Variants in MEGF6 observed in about 807,000 individuals in gnomAD.
The protein encoded by MEGF6 is multiple EGF like domains 6, also known as multiple epidermal growth factor-like domains protein 6.
A neutral mutation model predicts 207.1 loss-of-function variants in MEGF6; 184 were observed. The observed-to-expected ratio is 0.89, with a 90% CI of 0.79 to 1.00. The LOEUF is 1.00. Ranked by LOEUF, MEGF6 falls within the 50% of genes least tolerant of loss-of-function variation. MEGF6 has a pLI of 0.00. For synonymous variants in MEGF6, 1,038 were observed against 910.0 expected (o/e 1.14, Z -2.53); for missense variants, 2,282 against 2,202.9 (o/e 1.04, Z -0.72).
chr1:3,569,471 C>T (rs1643438017), intron 4 of MEGF6, among the ~76,000 whole-genome samples: 1 of 152,222 alleles, frequency 6.6e-6, no homozygotes, highest in Non-Finnish European at 1.5e-5. Flanking sequence ...CCAGTGCTGC[C>T]CTGAAGTCCA....
At chr1:3,505,015 C>A (rs1641047583) in intron 17 of MEGF6, among the ~76,000 whole-genome samples, 193 bp downstream of exon 17, 1 of 152,128 alleles carries the variant, frequency 6.6e-6, no homozygotes, top group South Asian at 2.1e-4. Flanking sequence ...AGCAGCCGCA[C>A]CACTGCCATG....
chr1:3,508,586 C>G lies in MEGF6; in HGVS notation c.1632G>C (p.Glu544Asp), dbSNP rs933409738. 6.2e-7 allele frequency: 1 copy of G among 1,613,344 alleles called. No homozygotes were observed. Among genetic ancestry groups the G allele is most frequent in the African/African-American group, 1.3e-5 (1 of 74,938 alleles). The change falls in exon 13 of 37, where the codon GAG (glutamate) becomes GAC (aspartate). Residue 544 changes from glutamate (E) to aspartate (D), a missense_variant. By Grantham distance (45) the Glu-to-Asp change is conservative. Coordinates refer to ENST00000356575, the MANE Select transcript of MEGF6 (RefSeq NM_001409.4). ...LLGLDGCDCPEGWTGLICNET... is the reference protein window; with the variant it reads ...LLGLDGCDCPDGWTGLICNET... The stretch of plus-strand genomic sequence containing the variant: ...CATTGCAGATGAGCCCAGTCCAGCC[C>G]TCGGGGCAATCACAGCCATCCAGGC...
At chr1:3,567,664 C>G (rs932301082) in intron 4 of MEGF6, among the ~76,000 whole-genome samples, 1 of 152,190 alleles carries the variant, frequency 6.6e-6, no homozygotes, top group Non-Finnish European at 1.5e-5. Context: ...CGTGGGCCCT[C>G]GGTCCCTAGG....
intron 2 of MEGF6, among the ~76,000 whole-genome samples, chr1:3,600,496 C>T (rs369078294): frequency 2.0e-4 from 31 of 152,190 alleles, no homozygotes; most frequent in East Asian, 1.5e-3. Flanking sequence ...GGAGGACAGG[C>T]GGGAGCTGGA....
intron 3 of MEGF6, among the ~76,000 whole-genome samples, chr1:3,589,086 C>T (rs1643937492): frequency 6.6e-6 from 1 of 152,178 alleles, no homozygotes; most frequent in Non-Finnish European, 1.5e-5. Context: ...TTAGGGTGGG[C>T]CCTAGGGCCT....
chr1:3,551,494 T>C (rs1036511747), intron 4 of MEGF6, among the ~76,000 whole-genome samples: 5 of 152,152 alleles, frequency 3.3e-5, no homozygotes, highest in Admixed American at 2.6e-4. Context: ...GCACTGGCCA[T>C]GTGGCCAATA....
intron 5 of MEGF6, among the ~76,000 whole-genome samples, chr1:3,517,904 G>A (rs1641606069): frequency 6.6e-6 from 1 of 152,218 alleles, no homozygotes; most frequent in African/African-American, 2.4e-5. Flanking sequence ...CTGAAGTGGT[G>A]TTTTCTCAAA....
At position 3,560,040 on chromosome 1, in the gene MEGF6, A is replaced by G. The variant is rs1314022452; in HGVS notation, c.481+19785T>C. On this transcript the variant is annotated intron_variant, in intron 4 of 36. Transcript: ENST00000356575. The surrounding 1 kb of genome is among the most constrained non-coding windows in gnomAD (Gnocchi z 4.0). Reference sequence around the variant, plus strand: ...AAAAGAAAAAAAAAAAAAAAAAGGAAACACGATGAGCCCATCTCCTGGGAG... The same window carrying G: ...AAAAGAAAAAAAAAAAAAAAAAGGAGACACGATGAGCCCATCTCCTGGGAG... 7.3e-5 allele frequency among the ~76,000 whole-genome samples: 11 copies of G among 150,772 alleles called. No homozygotes were observed. The highest frequency in any genetic ancestry group is 1.2e-4 in the Non-Finnish European group (8 of 67,672).
intron 3 of MEGF6, among the ~76,000 whole-genome samples, chr1:3,589,055 C>G (rs1643937318): frequency 6.6e-6 from 1 of 152,176 alleles, no homozygotes; most frequent in African/African-American, 2.4e-5. Flanking sequence ...AACACCACGA[C>G]TGAGATGAGG....
rs904640679 is a variant in MEGF6 at position 3,531,445 on chromosome 1, T to G, written c.482-7199A>C. 2.5e-4 allele frequency: 281 copies of G among 1,106,474 alleles called. 1 individual carries two copies. The highest frequency in any genetic ancestry group is 2.8e-4 in the Non-Finnish European group (251 of 909,488). 68.5% of individuals were successfully genotyped at this position (1,106,474 alleles called of 1,614,324 possible). ...CGCGCCCCGCCCCTCGCCTTTAAGT[T>G]CTCAGCTTTCCCTCCGCCCCGCAGG... is the stretch of plus-strand genomic sequence containing the variant. On this transcript the variant is annotated intron_variant, in intron 4 of 36. Coordinates refer to ENST00000356575, the MANE Select transcript of MEGF6 (RefSeq NM_001409.4).
In MEGF6 at chr1:3,505,525, G is replaced by A. The variant is rs757736550; in HGVS notation, c.1950C>T (p.Cys650=). 5 of 1,597,372 alleles carry A rather than the reference G, an allele frequency of 3.1e-6. No individual in the cohort carries two copies. The Admixed American group carries it at 8.6e-5, about 27-fold the overall frequency. The change falls in exon 16 of 37, where the codon TGC becomes TGT. Residue 650 remains cysteine (C), a synonymous_variant. Transcript: ENST00000356575. ...TCPPWAFGPG[C]SEECQCVQPH... ...GCTGCACACACTGGCACTCCTCCGA[G>A]CAGCCCGGCCCAAAGGCCCACGGCG...
At chr1:3,497,910 G>A (rs1252445014) in intron 26 of MEGF6, among the ~76,000 whole-genome samples, 1 of 152,198 alleles carries the variant, frequency 6.6e-6, no homozygotes, top group African/African-American at 2.4e-5. Flanking sequence ...TTTGAGGAAT[G>A]AGGCAGTGTT....
rs890502899 is a variant in MEGF6, at chr1:3,573,198, C to T, written c.481+6627G>A. On this transcript the variant is annotated intron_variant, in intron 4 of 36. Transcript: ENST00000356575. The surrounding 1 kb of genome is among the most constrained non-coding windows in gnomAD (Gnocchi z 5.1). ...CTCCCTGGTATGCTGGGTCCTCCTG[C>T]GTGTGCTGCGTCCTTCCTGTGTGTG... Among the ~76,000 whole-genome samples, 1 of 141,254 alleles carries T rather than the reference C, an allele frequency of 7.1e-6. No homozygotes were observed. The highest frequency in any genetic ancestry group is 1.5e-5 in the Non-Finnish European group (1 of 64,718). The allele number at this position is 141,254 out of a possible 152,430, so 92.7% of individuals were successfully genotyped here. A position where few individuals can be genotyped will look rare whatever the true frequency, so the allele number is the denominator to read the frequency against.
At chr1:3,524,844 T>C (rs760401132) in intron 4 of MEGF6, among the ~76,000 whole-genome samples, 1 of 152,086 alleles carries the variant, frequency 6.6e-6, no homozygotes, top group African/African-American at 2.4e-5. Flanking sequence ...CTAAATCCAA[T>C]GCGCCTATCC....
the MEGF6 span, chr1:3,624,187 C>G: frequency 6.6e-6 from 1 of 152,458 alleles, no homozygotes; most frequent in African/African-American, 2.4e-5. Context: ...GAAGGTAACC[C>G]TGACCCCTGG....
In MEGF6 at chr1:3,501,331, G is replaced by A. The variant is rs1204167607; in HGVS notation, c.2315-23C>T. ...AATCTAGTGCCCACCCCCATGGCCAGTCAGTGCCCAAGCTGCCCTTGCTCA... is the reference window on the plus strand; with the variant it reads ...AATCTAGTGCCCACCCCCATGGCCAATCAGTGCCCAAGCTGCCCTTGCTCA... On this transcript the variant is annotated intron_variant, in intron 18 of 36. Coordinates refer to ENST00000356575, the MANE Select transcript of MEGF6 (RefSeq NM_001409.4). The A allele has an allele frequency of 2.5e-6, 4 of 1,582,604 alleles. 1 individual carries two copies. Among genetic ancestry groups the A allele is most frequent in the Non-Finnish European group, 3.4e-6 (4 of 1,164,498 alleles).
intron 4 of MEGF6, among the ~76,000 whole-genome samples, chr1:3,569,735 C>G (rs984380153): frequency 1.1e-4 from 17 of 152,328 alleles, no homozygotes; most frequent in African/African-American, 4.1e-4. Flanking sequence ...ATGCTATGGG[C>G]AGGAAGACTT....
chr1:3,581,007 A>C (rs989049347), intron 3 of MEGF6, among the ~76,000 whole-genome samples: 9 of 152,110 alleles, frequency 5.9e-5, no homozygotes, highest in Non-Finnish European at 1.0e-4. Flanking sequence ...GCTGAGAGGA[A>C]GAAGGACACT....
chr1:3,500,667 A>C lies in MEGF6; in HGVS notation c.2673T>G (p.Cys891Trp). 1.3e-6 allele frequency: 2 copies of C among 1,570,264 alleles called. No individual in the cohort carries two copies. Among genetic ancestry groups the C allele is most frequent in the South Asian group, 2.3e-5 (2 of 86,022 alleles). The change falls in exon 21 of 37, where the codon TGT becomes TGG. Residue 891 changes from cysteine (C) to tryptophan (W), a missense_variant. Cys to Trp is a radical substitution (Grantham distance 215). Transcript: ENST00000356575. ...SCDAISGLCLCEAGYVGPRCE... is the reference protein window; with the variant it reads ...SCDAISGLCLWEAGYVGPRCE... Reference sequence around the variant, plus strand: ...ACCGCGGGCCCACGTAGCCAGCCTCACACAGACACAGGCCGCTGATGGCAT... The same window carrying C: ...ACCGCGGGCCCACGTAGCCAGCCTCCCACAGACACAGGCCGCTGATGGCAT...
Sources: allele counts gnomAD v4.1 joint callset (sites outside exome capture counted in the v4.1 genomes callset), GRCh38; gene constraint gnomAD v4.1.1; non-coding constraint Gnocchi (gnomAD v3.1); transcripts MANE v1.5; gene names NCBI Gene and HGNC (gene_info 2026-07-23, HGNC 2026-07-21).